The following TRERF1 variants were observed in gnomAD, a reference collection of about 807,000 sequenced individuals.
TRERF1 encodes transcriptional regulating factor 1.
In TRERF1, 27 loss-of-function variants were observed where a neutral mutation model predicts 122.9. The ratio of observed to expected loss-of-function variants is 0.22; its 90% CI spans 0.16 to 0.30. The LOEUF (loss-of-function observed/expected upper bound fraction) is 0.30, where lower values mean the gene tolerates loss of function less well. Ranked by LOEUF, TRERF1 falls within the 10% of genes least tolerant of loss-of-function variation. The pLI is 1.00. For synonymous variants in TRERF1, 636 were observed against 641.7 expected (o/e 0.99, Z 0.13); for missense variants, 1,248 against 1,560.3 (o/e 0.80, Z 3.37).
intron 12 of TRERF1, 115 bp from the exon 13 acceptor site, chr6:42,255,041 C>T (rs1776488967): frequency 1.0e-6 from 1 of 991,916 alleles, no homozygotes; most frequent in South Asian, 1.3e-5. Context: ...GGGGCGGGGG[C>T]ACTGGAAGGA....
At chr6:42,445,061 G>C (rs1787223665) in intron 2 of TRERF1, among the ~76,000 whole-genome samples, 1 of 152,080 alleles carries the variant, frequency 6.6e-6, no homozygotes, top group African/African-American at 2.4e-5. Context: ...CTGAGGTCAG[G>C]AGTTTGAGAC....
chr6:42,271,388 C>T (rs1399128594), intron 4 of TRERF1, among the ~76,000 whole-genome samples: 1 of 152,022 alleles, frequency 6.6e-6, no homozygotes, highest in Non-Finnish European at 1.5e-5. Context: ...TGATCCTTGT[C>T]TCATGCTAGT....
chr6:42,326,131 T>C (rs1764249354), intron 3 of TRERF1, among the ~76,000 whole-genome samples: 1 of 152,076 alleles, frequency 6.6e-6, no homozygotes, highest in Non-Finnish European at 1.5e-5. Context: ...ACTATACCCT[T>C]GTAACAAACC....
At position 42,259,056 on chromosome 6, in the gene TRERF1, A is replaced by G. The variant is rs1041284259; in HGVS notation, c.2269+283T>C. Among the ~76,000 whole-genome samples the G allele has an allele frequency of 6.6e-6, 1 of 151,934 alleles. No homozygotes were observed. The highest frequency in any genetic ancestry group is 1.5e-5 in the Non-Finnish European group (1 of 67,982). On this transcript the variant is annotated intron_variant, in intron 9 of 17. Transcript: ENST00000372922. This position sits in a 1 kb window ranked among gnomAD's most constrained non-coding sequence, Gnocchi z 4.9. ...GGTCTCATTTTTTCTCTCTTGCACG[A>G]TCATTGCTGGCAGCCTTAAAAAGTG...
At chr6:42,392,566 A>G (rs1167364094) in intron 2 of TRERF1, among the ~76,000 whole-genome samples, 1 of 152,184 alleles carries the variant, frequency 6.6e-6, no homozygotes, top group Non-Finnish European at 1.5e-5. Context: ...CTATCCAGAA[A>G]GGATCATTAA....
At chr6:42,318,081 G>T (rs1210477071) in intron 3 of TRERF1, among the ~76,000 whole-genome samples, 3 of 151,746 alleles carry the variant, frequency 2.0e-5, no homozygotes, top group Non-Finnish European at 4.4e-5. Flanking sequence ...TTGAACTTGG[G>T]AGGTGGAGGT....
intron 15 of TRERF1, among the ~76,000 whole-genome samples, chr6:42,239,726 C>T (rs983457801): frequency 9.9e-5 from 15 of 152,056 alleles, no homozygotes; most frequent in South Asian, 6.2e-4. Context: ...CCTCCCCAGG[C>T]GCACCCTCCC....
chr6:42,277,905 G>GGAAGAAGGAGAAGAAGAA (rs1554141678), intron 4 of TRERF1, among the ~76,000 whole-genome samples: 1 of 85,008 alleles, frequency 1.2e-5, no homozygotes, highest in Non-Finnish European at 2.3e-5. Flanking sequence ...GAAGGAAGAA[G>GGAAGAAGGAGAAGAAGAA]GAAGAAGAAG....
In TRERF1 at chr6:42,393,894, A is replaced by C. The variant is rs1778146763; in HGVS notation, c.-453-30815T>G. Among the ~76,000 whole-genome samples, 1 of 151,188 alleles carries C rather than the reference A, an allele frequency of 6.6e-6. No homozygotes were observed. The highest frequency in any genetic ancestry group is 2.4e-5 in the African/African-American group (1 of 40,958). ...TCTGTAAAAATGAACAAGCAGGCAA[A>C]CTCTCCAATGTATATATGCAGGAAA... On this transcript the variant is annotated intron_variant, in intron 2 of 17. Transcript: ENST00000372922. The surrounding 1 kb of genome is among the most constrained non-coding windows in gnomAD (Gnocchi z 4.1).
chr6:42,423,955 C>T (rs1783226167), intron 2 of TRERF1, among the ~76,000 whole-genome samples: 1 of 152,166 alleles, frequency 6.6e-6, no homozygotes, highest in Non-Finnish European at 1.5e-5. Context: ...TTTTATTGAC[C>T]TTCAAATGTA....
chr6:42,288,757 C>T (rs183281220), intron 4 of TRERF1, among the ~76,000 whole-genome samples: 8 of 151,886 alleles, frequency 5.3e-5, no homozygotes, highest in East Asian at 1.9e-4. Context: ...TGGGCAAAGG[C>T]TCTGTGGCAG....
intron 2 of TRERF1, among the ~76,000 whole-genome samples, chr6:42,382,851 G>C (rs756760038): frequency 2.7e-5 from 4 of 149,558 alleles, no homozygotes; most frequent in Non-Finnish European, 5.9e-5. Flanking sequence ...ATGCCAGTAG[G>C]ATTCTCCTTC....
chr6:42,430,176 G>A lies in TRERF1; in HGVS notation c.-454+21001C>T, dbSNP rs575639778. Among the ~76,000 whole-genome samples, 49 of 152,092 alleles carry A rather than the reference G, an allele frequency of 3.2e-4. 1 individual carries two copies. The Middle Eastern group carries it at 0.014, about 42-fold the overall frequency. ...ACTGCTTGGTGGGGGCCGCTGATGG[G>A]TTGTAAGCAGGAGAGAGACAGGTTT... On this transcript the variant is annotated intron_variant, in intron 2 of 17. Transcript: ENST00000372922.
chr6:42,271,996 G>A (rs976559541), intron 4 of TRERF1, among the ~76,000 whole-genome samples: 3 of 152,136 alleles, frequency 2.0e-5, no homozygotes, highest in African/African-American at 7.2e-5. Flanking sequence ...AATGGATGAC[G>A]GGAGGTATTA....
At chr6:42,235,319 T>A (rs985156516) in intron 16 of TRERF1, among the ~76,000 whole-genome samples, 2 of 152,122 alleles carry the variant, frequency 1.3e-5, no homozygotes, top group Admixed American at 1.3e-4. Context: ...GTAATCCCTC[T>A]AGAACTTGCC....
At chr6:42,246,997 C>G (rs1192708771) in intron 13 of TRERF1, among the ~76,000 whole-genome samples, 1 of 152,196 alleles carries the variant, frequency 6.6e-6, no homozygotes, top group Non-Finnish European at 1.5e-5. Flanking sequence ...CCTCCACCCT[C>G]AAGATGCTCA....
intron 4 of TRERF1, among the ~76,000 whole-genome samples, chr6:42,299,134 CTACATA>C: frequency 7.5e-6 from 1 of 133,880 alleles, no homozygotes; most frequent in African/African-American, 2.9e-5. Context: ...ATCTATCTAT[CTACATA>C]TATATATATA....
chr6:42,365,543 A>G (rs954715027), intron 2 of TRERF1, among the ~76,000 whole-genome samples: 8 of 152,182 alleles, frequency 5.3e-5, no homozygotes, highest in African/African-American at 1.9e-4. Context: ...TTATTCCTTG[A>G]GCACCTACTA....
intron 2 of TRERF1, among the ~76,000 whole-genome samples, chr6:42,418,798 G>A (rs1191664522): frequency 6.6e-6 from 1 of 152,072 alleles, no homozygotes; most frequent in Non-Finnish European, 1.5e-5. Context: ...TAACAGGCAG[G>A]GCTGCCTTAA....
Sources: allele counts gnomAD v4.1 joint callset (sites outside exome capture counted in the v4.1 genomes callset), GRCh38; gene constraint gnomAD v4.1.1; non-coding constraint Gnocchi (gnomAD v3.1); transcripts MANE v1.5; gene names NCBI Gene and HGNC (gene_info 2026-07-23, HGNC 2026-07-21).